Variants in RBFOX1 observed in about 807,000 individuals in gnomAD.
The protein encoded by RBFOX1 is RNA binding protein fox-1 homolog 1.
A neutral mutation model predicts 57.7 loss-of-function variants in RBFOX1; 8 were observed. That is an observed-to-expected ratio of 0.14 (90% CI 0.08 to 0.25). The LOEUF is 0.25. Among genes scored for constraint, RBFOX1 ranks in the 10% least tolerant of loss-of-function variants. The probability of loss-of-function intolerance (pLI) is 1.00; values close to 1 mark genes in which losing one functional copy is unlikely to be tolerated. For missense variants in RBFOX1, 611 were observed against 548.5 expected (o/e 1.11, Z -1.14); for synonymous variants, 326 against 222.4 (o/e 1.47, Z -4.15).
intron 1 of RBFOX1, among the ~76,000 whole-genome samples, chr16:5,450,455 C>G (rs1597114346): frequency 1.3e-5 from 2 of 152,188 alleles, no homozygotes; most frequent in African/African-American, 4.8e-5. Context: ...ATGGTTCTCT[C>G]ATGCTCGAAC....
intron 1 of RBFOX1, among the ~76,000 whole-genome samples, chr16:5,448,617 G>A (rs776100683): frequency 3.2e-4 from 49 of 152,140 alleles, no homozygotes; most frequent in Non-Finnish European, 6.0e-4. Flanking sequence ...GGGCTGCAGC[G>A]TTTCATAGCT....
chr16:7,231,793 C>G (rs940857098), intron 4 of RBFOX1, among the ~76,000 whole-genome samples: 1 of 152,032 alleles, frequency 6.6e-6, no homozygotes, highest in African/African-American at 2.4e-5. Flanking sequence ...GTAAAAGAAC[C>G]CAGAATCAAA....
chr16:6,809,171 T>A (rs2087750511), intron 3 of RBFOX1, among the ~76,000 whole-genome samples: 1 of 152,200 alleles, frequency 6.6e-6, no homozygotes, highest in Non-Finnish European at 1.5e-5. Flanking sequence ...GTAAGTCATT[T>A]CCCTTTTTCT....
intron 2 of RBFOX1, among the ~76,000 whole-genome samples, chr16:5,545,168 G>T (rs1038284712): frequency 2.6e-5 from 4 of 151,936 alleles, no homozygotes; most frequent in African/African-American, 9.7e-5. Flanking sequence ...AGTAGAGACA[G>T]GGTTTCACTC....
rs71145245 is a variant in RBFOX1 at position 6,542,483 on chromosome 16, C to CTTTTTTTTTTTTTTTTTTTT, written c.-63-112115_-63-112096dup. 9.0e-5 allele frequency among the ~76,000 whole-genome samples: 5 copies of CTTTTTTTTTTTTTTTTTTTT among 55,722 alleles called. 1 individual carries two copies. Among genetic ancestry groups the CTTTTTTTTTTTTTTTTTTTT allele is most frequent in the African/African-American group, 3.8e-4 (5 of 13,226 alleles). 36.6% of individuals were successfully genotyped at this position (55,722 alleles called of 152,430 possible). Reference sequence around the variant, plus strand: ...CCACTGCCCTGTGTGGGACCATAGTCTTTTTTTTTTTTTTTTTTTTTTTTG... The same window carrying CTTTTTTTTTTTTTTTTTTTT: ...CCACTGCCCTGTGTGGGACCATAGTCTTTTTTTTTTTTTTTTTTTTTTTTTTTTTTTTTTTTTTTTTTTTG... On this transcript the variant is annotated intron_variant, in intron 2 of 15. Coordinates refer to ENST00000550418, the MANE Select transcript of RBFOX1 (RefSeq NM_018723.4).
intron 3 of RBFOX1, among the ~76,000 whole-genome samples, chr16:5,749,100 T>C (rs536509410): frequency 6.6e-6 from 1 of 152,326 alleles, no homozygotes; most frequent in African/African-American, 2.4e-5. Flanking sequence ...TGCTTGTCTG[T>C]AAAGGATTTT....
chr16:5,753,699 G>A (rs993052608), intron 3 of RBFOX1, among the ~76,000 whole-genome samples: 1 of 152,150 alleles, frequency 6.6e-6, no homozygotes, highest in Non-Finnish European at 1.5e-5. Flanking sequence ...CTATAAACCA[G>A]TGTTTTTCTG....
At chr16:6,896,183 G>A (rs2153393621) in intron 3 of RBFOX1, among the ~76,000 whole-genome samples, 1 of 152,260 alleles carries the variant, frequency 6.6e-6, no homozygotes, top group African/African-American at 2.4e-5. Flanking sequence ...TGAGGCAGGA[G>A]AATCACTTGA....
intron 1 of RBFOX1, among the ~76,000 whole-genome samples, chr16:6,209,072 C>T (rs1004409594): frequency 4.6e-5 from 7 of 152,100 alleles, no homozygotes; most frequent in Admixed American, 2.0e-4. Flanking sequence ...AAACTTTGCA[C>T]TGTTTTGAGA....
intron 3 of RBFOX1, among the ~76,000 whole-genome samples, chr16:6,769,993 G>A (rs2078029295): frequency 6.6e-6 from 1 of 152,070 alleles, no homozygotes; most frequent in Admixed American, 6.6e-5. Context: ...TTATGAGATG[G>A]CTATTTTTAA....
At chr16:5,649,753 C>G (rs1233918061) in intron 3 of RBFOX1, among the ~76,000 whole-genome samples, 3 of 152,178 alleles carry the variant, frequency 2.0e-5, no homozygotes, top group African/African-American at 7.2e-5. Flanking sequence ...TGAAGGCCAT[C>G]ATGTACAACT....
chr16:6,973,346 C>T (rs2086017111), intron 3 of RBFOX1, among the ~76,000 whole-genome samples: 1 of 152,100 alleles, frequency 6.6e-6, no homozygotes, highest in South Asian at 2.1e-4. Context: ...AAAAGCAGCA[C>T]TTATTACAAT....
intron 4 of RBFOX1, among the ~76,000 whole-genome samples, chr16:7,162,366 C>T (rs1313091618): frequency 6.6e-6 from 1 of 151,900 alleles, no homozygotes; most frequent in African/African-American, 2.4e-5. Flanking sequence ...CATTTAATAT[C>T]ACAGTAATTC....
intron 4 of RBFOX1, among the ~76,000 whole-genome samples, chr16:7,417,802 T>C (rs2098498887): frequency 6.6e-6 from 1 of 152,192 alleles, no homozygotes; most frequent in Non-Finnish European, 1.5e-5. Flanking sequence ...TGTGCATGTG[T>C]GTGGTTGCAG....
At chr16:6,347,426 A>T (rs42211) in intron 2 of RBFOX1, among the ~76,000 whole-genome samples, 33,427 of 152,020 alleles carry the variant, frequency 0.22, 4,022 homozygotes, top group Middle Eastern at 0.33. Context: ...CTACCCGTGA[A>T]GGTAGATGCT....
intron 3 of RBFOX1, among the ~76,000 whole-genome samples, chr16:6,871,501 A>C (rs2153273066): frequency 6.6e-6 from 1 of 151,540 alleles, no homozygotes; most frequent in East Asian, 2.0e-4. Context: ...ATCACTCTTG[A>C]CTCTTTCCTC....
intron 3 of RBFOX1, among the ~76,000 whole-genome samples, chr16:6,883,443 C>G (rs1492378): frequency 6.6e-6 from 1 of 152,072 alleles, no homozygotes; most frequent in East Asian, 1.9e-4. Context: ...AGACATTGTA[C>G]AAGATTTTAT....
chr16:6,514,284 C>G (rs562142990), intron 2 of RBFOX1, among the ~76,000 whole-genome samples: 39 of 152,276 alleles, frequency 2.6e-4, no homozygotes, highest in African/African-American at 8.7e-4. Context: ...TCCACTTCAT[C>G]TTACCATATT....
chr16:6,187,269 T>G (rs2097111259), intron 1 of RBFOX1, among the ~76,000 whole-genome samples: 1 of 151,978 alleles, frequency 6.6e-6, no homozygotes, highest in Non-Finnish European at 1.5e-5. Context: ...GGGATGACGA[T>G]CGATGTTTTC....
Sources: gnomAD v4.1 joint callset for allele counts (sites outside exome capture counted in the v4.1 genomes callset) on GRCh38, gnomAD v4.1.1 for gene constraint, MANE v1.5 for transcripts, NCBI Gene and HGNC (gene_info 2026-07-23, HGNC 2026-07-21) for gene names.